The following PLEKHA7 variants were observed in gnomAD, a reference collection of about 807,000 sequenced individuals.
PLEKHA7 encodes the protein pleckstrin homology domain-containing family A member 7.
PLEKHA7 carries 104 observed loss-of-function variants against 170.0 expected under a neutral mutation model. The ratio of observed to expected loss-of-function variants is 0.61; its 90% CI spans 0.52 to 0.72. The LOEUF is 0.72. PLEKHA7 is among the 30% of genes least tolerant of loss of function. The pLI, the probability that PLEKHA7 is intolerant of heterozygous loss-of-function variation, is 0.00. For synonymous variants in PLEKHA7, 648 were observed against 660.8 expected, an observed-to-expected ratio of 0.98 and a Z score of 0.30; for missense variants, 1,615 against 1,671.7, an observed-to-expected ratio of 0.97 and a Z score of 0.59.
At chr11:16,816,397 C>T (rs769879127) in intron 11 of PLEKHA7, 133 bp from the exon 12 acceptor site, 20 of 687,830 alleles carry the variant, frequency 2.9e-5, no homozygotes, top group Non-Finnish European at 3.6e-5. Context: ...ACATCTTACT[C>T]TCAGGGTTAG....
At position 16,813,225 on chromosome 11, in the gene PLEKHA7, C is replaced by A; in HGVS notation, c.1954-59G>T. ...ATGAACACCAAGAGTTTCCATAACT[C>A]GAGGTTTCACATGTGAATTATTTAC... On this transcript the variant is annotated intron_variant, in intron 12 of 26. Coordinates refer to ENST00000531066, the MANE Select transcript of PLEKHA7 (RefSeq NM_001329630.2). 2.1e-6 allele frequency: 3 copies of A among 1,445,396 alleles called. No individual in the cohort carries two copies. The South Asian group carries it at 3.5e-5, about 17-fold the overall frequency. 89.5% of individuals were successfully genotyped at this position (1,445,396 alleles called of 1,614,324 possible). A position where few individuals can be genotyped will look rare whatever the true frequency, so the allele number is the denominator to read the frequency against.
At chr11:16,805,276 A>G (rs1848879349) in intron 13 of PLEKHA7, among the ~76,000 whole-genome samples, 1 of 152,230 alleles carries the variant, frequency 6.6e-6, no homozygotes, top group South Asian at 2.1e-4. Context: ...TCATTTATCC[A>G]GCACCATCAG....
chr11:16,866,280 G>A (rs1292221101), intron 4 of PLEKHA7, among the ~76,000 whole-genome samples: 1 of 152,078 alleles, frequency 6.6e-6, no homozygotes, highest in East Asian at 1.9e-4. Context: ...TTACAGAAAT[G>A]AAGCCACCCT....
chr11:16,784,580 G>A (rs1590107498), intron 24 of PLEKHA7, among the ~76,000 whole-genome samples: 1 of 152,126 alleles, frequency 6.6e-6, no homozygotes, highest in Non-Finnish European at 1.5e-5. Context: ...TGGCAAACTC[G>A]GCTTGGTGAA....
At chr11:16,892,409 T>G (rs1856684801) in intron 3 of PLEKHA7, among the ~76,000 whole-genome samples, 1 of 74,322 alleles carries the variant, frequency 1.3e-5, no homozygotes. Flanking sequence ...TTTTATTTTG[T>G]GTGTGTGTGT....
At chr11:16,908,134 C>T (rs573837339) in intron 3 of PLEKHA7, among the ~76,000 whole-genome samples, 6 of 151,138 alleles carry the variant, frequency 4.0e-5, no homozygotes, top group African/African-American at 7.3e-5. Context: ...TGCAGAGGGC[C>T]GCAGGGTCCT....
intron 3 of PLEKHA7, among the ~76,000 whole-genome samples, chr11:16,899,467 A>G (rs762988164): frequency 1.3e-5 from 2 of 152,222 alleles, no homozygotes; most frequent in African/African-American, 2.4e-5. Context: ...ATTGCACTCC[A>G]GCGCTGGGCA....
chr11:16,945,800 G>A (rs1402149425), intron 3 of PLEKHA7, among the ~76,000 whole-genome samples: 1 of 152,238 alleles, frequency 6.6e-6, no homozygotes, highest in East Asian at 1.9e-4. Context: ...TTAAATGGCA[G>A]TTTCAAAGGC....
At chr11:16,913,478 G>A (rs958543878) in intron 3 of PLEKHA7, among the ~76,000 whole-genome samples, 4 of 152,178 alleles carry the variant, frequency 2.6e-5, no homozygotes, top group Non-Finnish European at 5.9e-5. Context: ...TTCCTCCAGG[G>A]TAACATAAGG....
intron 3 of PLEKHA7, among the ~76,000 whole-genome samples, chr11:16,921,977 C>T (rs2136245844): frequency 6.6e-6 from 1 of 152,314 alleles, no homozygotes; most frequent in South Asian, 2.1e-4. Context: ...GCTGCTTCAG[C>T]AGGAGTTTGA....
chr11:16,977,723 A>G (rs980921342), intron 3 of PLEKHA7, among the ~76,000 whole-genome samples: 3 of 152,224 alleles, frequency 2.0e-5, no homozygotes, highest in African/African-American at 7.2e-5. Flanking sequence ...CTAAGTGCCC[A>G]GACTGTGGCC....
At chr11:16,998,700 A>AAAAT (rs111828245) in intron 3 of PLEKHA7, among the ~76,000 whole-genome samples, 2 of 152,146 alleles carry the variant, frequency 1.3e-5, no homozygotes, top group South Asian at 2.1e-4. Context: ...GCTAAAAAAA[A>AAAAT]TATTCAAAAC....
intron 3 of PLEKHA7, among the ~76,000 whole-genome samples, chr11:16,950,757 C>T (rs573927831): frequency 4.5e-4 from 68 of 152,242 alleles, no homozygotes; most frequent in Non-Finnish European, 5.7e-4. Flanking sequence ...CATGGAACAG[C>T]TTTTTCCAAA....
At chr11:16,986,542 G>T (rs942700931) in intron 3 of PLEKHA7, among the ~76,000 whole-genome samples, 6 of 152,188 alleles carry the variant, frequency 3.9e-5, no homozygotes, top group Admixed American at 3.9e-4. Context: ...CTACTGACTG[G>T]CTGGAGGCAA....
At chr11:16,969,513 T>C (rs1417829583) in intron 3 of PLEKHA7, among the ~76,000 whole-genome samples, 1 of 152,108 alleles carries the variant, frequency 6.6e-6, no homozygotes, top group Non-Finnish European at 1.5e-5. Context: ...AGTCACCAAT[T>C]CTACATATTG....
chr11:16,945,276 G>T (rs558498650), intron 3 of PLEKHA7, among the ~76,000 whole-genome samples: 1 of 152,190 alleles, frequency 6.6e-6, no homozygotes, highest in Admixed American at 6.5e-5. Context: ...ATTTGAAGTA[G>T]GTCTATATAA....
intron 10 of PLEKHA7, among the ~76,000 whole-genome samples, chr11:16,819,534 T>A (rs1850051083): frequency 6.6e-6 from 1 of 152,264 alleles, no homozygotes; most frequent in African/African-American, 2.4e-5. Context: ...CAATTCTGAC[T>A]CTGCCTTCAC....
intron 3 of PLEKHA7, among the ~76,000 whole-genome samples, chr11:16,950,573 G>A (rs1312375031): frequency 1.3e-5 from 2 of 150,308 alleles, no homozygotes; most frequent in Non-Finnish European, 2.9e-5. Flanking sequence ...AGCATGGTCC[G>A]CAGGCCTTCC....
intron 3 of PLEKHA7, among the ~76,000 whole-genome samples, chr11:16,992,339 A>C (rs1411554115): frequency 6.6e-6 from 1 of 152,162 alleles, no homozygotes; most frequent in Admixed American, 6.5e-5. Flanking sequence ...CAGCTTGGTG[A>C]TATGGGTTCA....
Sources: gnomAD v4.1 joint callset for allele counts (sites outside exome capture counted in the v4.1 genomes callset) on GRCh38, gnomAD v4.1.1 for gene constraint, MANE v1.5 for transcripts, NCBI Gene and HGNC (gene_info 2026-07-23, HGNC 2026-07-21) for gene names.